The following CTNNA1 variants were observed in gnomAD, a reference collection of about 807,000 sequenced individuals.
CTNNA1 encodes the protein catenin alpha-1.
In CTNNA1, 37 loss-of-function variants were observed where a neutral mutation model predicts 98.4. That is an observed-to-expected ratio of 0.38 (90% confidence interval 0.29 to 0.49). CTNNA1 has a LOEUF of 0.49. CTNNA1 is among the 20% of genes least tolerant of loss of function. The pLI is 0.95. For missense variants in CTNNA1, 761 were observed against 1,147.2 expected, an observed-to-expected ratio of 0.66 and a Z score of 4.86; for synonymous variants, 404 against 413.2, an observed-to-expected ratio of 0.98 and a Z score of 0.27.
At chr5:138,860,114 T>A (rs1764126559) in intron 7 of CTNNA1, among the ~76,000 whole-genome samples, 1 of 152,196 alleles carries the variant, frequency 6.6e-6, no homozygotes. Context: ...ATGTGGTACC[T>A]CTGATACTGA....
chr5:138,848,644 C>T (rs1762933368), intron 7 of CTNNA1, among the ~76,000 whole-genome samples: 2 of 152,218 alleles, frequency 1.3e-5, no homozygotes, highest in Non-Finnish European at 2.9e-5. Context: ...TTTGTCTTAA[C>T]TGTCTTGCCT....
chr5:138,812,219 A>C lies in CTNNA1; in HGVS notation c.505A>C (p.Asn169His), dbSNP rs778667305. ...DGILKLRNAGNEQDLGIQYKA... is the reference protein window; with the variant it reads ...DGILKLRNAGHEQDLGIQYKA... ...TATCTTGAAGTTGAGGAATGCTGGC[A>C]ATGAACAAGACTTAGGAATCCAGTA... Residue 169 changes from asparagine to histidine, a missense_variant, in exon 5 of 18, where the codon AAT becomes CAT. Asn to His is a moderately conservative substitution (Grantham distance 68). This residue lies in a region of CTNNA1 where 328 missense variants were observed against 354.3 expected (regional missense o/e 0.93). Coordinates refer to ENST00000302763, the MANE Select transcript of CTNNA1 (RefSeq NM_001903.5). 5 of 1,613,872 alleles carry C rather than the reference A, an allele frequency of 3.1e-6. No individual in the cohort carries two copies. The highest frequency in any genetic ancestry group is 4.2e-6 in the Non-Finnish European group (5 of 1,179,862).
chr5:138,874,962 G>A lies in CTNNA1; in HGVS notation c.1063-11250G>A, dbSNP rs1015288384. 30 of 1,607,288 alleles carry A rather than the reference G, an allele frequency of 1.9e-5. No individual in the cohort carries two copies. Among genetic ancestry groups the A allele is most frequent in the Non-Finnish European group, 2.4e-5 (28 of 1,175,048 alleles). ...TTCAGTCGCGGTTGTTAGACTCAAC[G>A]CAGTGAGTCTGTAAAAGGCTCTAAC... On this transcript the variant is annotated intron_variant, in intron 7 of 17. Transcript: ENST00000302763. This position sits in a 1 kb window ranked among gnomAD's most constrained non-coding sequence, Gnocchi z 4.1.
intron 7 of CTNNA1, chr5:138,872,944 T>C (rs1750818259): frequency 4.5e-6 from 5 of 1,115,812 alleles, no homozygotes; most frequent in African/African-American, 3.1e-5. Context: ...AAATTAGATA[T>C]GTATTTAGCC....
intron 9 of CTNNA1, among the ~76,000 whole-genome samples, chr5:138,901,012 G>A (rs1005395121): frequency 3.3e-5 from 5 of 152,142 alleles, no homozygotes; most frequent in Admixed American, 6.5e-5. Context: ...TGGTAGGAAA[G>A]ATAATAATTT....
chr5:138,779,984 C>T (rs530003314), intron 1 of CTNNA1, among the ~76,000 whole-genome samples: 3 of 151,838 alleles, frequency 2.0e-5, no homozygotes, highest in South Asian at 2.1e-4. Context: ...CATTGTAGCC[C>T]GTTGTGTCAT....
chr5:138,866,318 ATTTATTTATTTT>A (rs1230760133), intron 7 of CTNNA1, among the ~76,000 whole-genome samples: 6 of 148,408 alleles, frequency 4.0e-5, no homozygotes, highest in Admixed American at 2.0e-4. Context: ...TTATTTATTT[ATTTATTTATTTT>A]GGTACAAATA....
At chr5:138,813,990 T>C (rs1183547709) in intron 5 of CTNNA1, among the ~76,000 whole-genome samples, 2 of 152,188 alleles carry the variant, frequency 1.3e-5, no homozygotes, top group Non-Finnish European at 1.5e-5. Flanking sequence ...ATATTTACAT[T>C]AGTATTAAAA....
chr5:138,824,373 C>G (rs923875161), intron 5 of CTNNA1, among the ~76,000 whole-genome samples, 157 bp from the exon 6 acceptor site: 4 of 152,164 alleles, frequency 2.6e-5, no homozygotes, highest in African/African-American at 4.8e-5. Context: ...CCAAACCATA[C>G]TGCCTTCTTT....
At chr5:138,784,742 T>G (rs1360177716) in intron 3 of CTNNA1, among the ~76,000 whole-genome samples, 38 of 152,218 alleles carry the variant, frequency 2.5e-4, no homozygotes, top group Admixed American at 2.5e-3. Context: ...AGGAAGAATC[T>G]GTGGATGCCT....
At chr5:138,851,941 G>A (rs1410868437) in intron 7 of CTNNA1, among the ~76,000 whole-genome samples, 1 of 148,770 alleles carries the variant, frequency 6.7e-6, no homozygotes, top group Non-Finnish European at 1.5e-5. Flanking sequence ...ATGATGGCGC[G>A]TGCCTGTAAT....
At chr5:138,817,986 A>G (rs993971852) in intron 5 of CTNNA1, among the ~76,000 whole-genome samples, 13 of 151,722 alleles carry the variant, frequency 8.6e-5, no homozygotes, top group Admixed American at 7.9e-4. Context: ...TCCCAGGTTC[A>G]AATGATTCTT....
At chr5:138,763,995 A>C (rs895964831) in intron 1 of CTNNA1, among the ~76,000 whole-genome samples, 1 of 152,016 alleles carries the variant, frequency 6.6e-6, no homozygotes, top group Admixed American at 6.6e-5. Flanking sequence ...GACTAGCCTG[A>C]CTAACATGGA....
intron 1 of CTNNA1, among the ~76,000 whole-genome samples, chr5:138,755,393 G>T (rs1751519319): frequency 6.6e-6 from 1 of 152,064 alleles, no homozygotes; most frequent in Non-Finnish European, 1.5e-5. Context: ...ATAGGAGTTT[G>T]GGGAATTGTG....
chr5:138,794,612 G>A (rs1756734700), intron 3 of CTNNA1, among the ~76,000 whole-genome samples: 1 of 152,170 alleles, frequency 6.6e-6, no homozygotes. Flanking sequence ...TAAGGGCTGT[G>A]TTATGAAGTC....
At chr5:138,780,353 C>A (rs1754931124) in intron 1 of CTNNA1, among the ~76,000 whole-genome samples, 1 of 149,646 alleles carries the variant, frequency 6.7e-6, no homozygotes, top group Admixed American at 6.6e-5. Context: ...CTGCGCCTGG[C>A]TAATTTTTTT....
intron 1 of CTNNA1, among the ~76,000 whole-genome samples, chr5:138,767,574 A>G (rs1561502421): frequency 6.6e-6 from 1 of 152,132 alleles, no homozygotes; most frequent in Non-Finnish European, 1.5e-5. Flanking sequence ...CTTCTATCGT[A>G]TTATAACTCT....
chr5:138,764,868 C>CTCTT (rs776961213), intron 1 of CTNNA1, among the ~76,000 whole-genome samples: 1 of 84,940 alleles, frequency 1.2e-5, no homozygotes, highest in Non-Finnish European at 2.1e-5. Flanking sequence ...GTATCTCTCT[C>CTCTT]TTTTTTTTTT....
chr5:138,860,694 C>T (rs1349194833), intron 7 of CTNNA1, among the ~76,000 whole-genome samples: 1 of 152,010 alleles, frequency 6.6e-6, no homozygotes, highest in Non-Finnish European at 1.5e-5. Flanking sequence ...CGGGGTTTCA[C>T]CGTGTTGCCC....
Sources: gnomAD v4.1 joint callset for allele counts (sites outside exome capture counted in the v4.1 genomes callset) on GRCh38, gnomAD v4.1.1 for gene constraint, gnomAD v4.1.1 regional missense constraint, Gnocchi (gnomAD v3.1) non-coding constraint, MANE v1.5 for transcripts, NCBI Gene and HGNC (gene_info 2026-07-23, HGNC 2026-07-21) for gene names.